The following BCAR3 variants were observed in gnomAD, a reference collection of about 807,000 sequenced individuals.
BCAR3 encodes breast cancer anti-estrogen resistance protein 3.
A neutral mutation model predicts 80.1 loss-of-function variants in BCAR3; 37 were observed. The observed-to-expected ratio is 0.46, with a 90% CI of 0.36 to 0.61. The LOEUF is 0.61. BCAR3 is among the 20% of genes least tolerant of loss of function. The probability of loss-of-function intolerance (pLI) is 0.00; values close to 1 mark genes in which losing one functional copy is unlikely to be tolerated. For synonymous variants in BCAR3, 389 were observed against 418.9 expected (o/e 0.93, Z 0.87); for missense variants, 978 against 1,068.2 (o/e 0.92, Z 1.18).
At chr1:93,670,681 T>C (rs758190674) in intron 2 of BCAR3, among the ~76,000 whole-genome samples, 5 of 152,182 alleles carry the variant, frequency 3.3e-5, no homozygotes, top group Non-Finnish European at 4.4e-5. Flanking sequence ...GTGATAACAA[T>C]GTTCATAATG....
intron 3 of BCAR3, among the ~76,000 whole-genome samples, chr1:93,687,176 T>C (rs1206257408): frequency 2.0e-5 from 3 of 152,218 alleles, no homozygotes; most frequent in Non-Finnish European, 2.9e-5. Flanking sequence ...TTATATTACA[T>C]CATAAATCTC....
rs1017713137 is a variant in BCAR3 at position 93,692,697 on chromosome 1, C to T, written c.-12+13395G>A. Among the ~76,000 whole-genome samples the T allele has an allele frequency of 3.3e-5, 5 of 152,334 alleles. 1 individual carries two copies. Among genetic ancestry groups the T allele is most frequent in the Admixed American group, 2.0e-4 (3 of 15,306 alleles). Reference sequence around the variant, plus strand: ...CCCTAAACTGGCCTCCCTGACTCCACTGCCCACTTCATCTCCCAGTGTGAA... The same window carrying T: ...CCCTAAACTGGCCTCCCTGACTCCATTGCCCACTTCATCTCCCAGTGTGAA... On this transcript the variant is annotated intron_variant, in intron 3 of 13. Coordinates refer to the BCAR3 transcript ENST00000370244.
chr1:93,611,495 T>C (rs940227244), intron 3 of BCAR3, among the ~76,000 whole-genome samples: 1 of 152,248 alleles, frequency 6.6e-6, no homozygotes. Context: ...CAGTAGTCTT[T>C]TATGTAACGG....
At chr1:93,657,074 C>T (rs1647426586) in intron 2 of BCAR3, among the ~76,000 whole-genome samples, 1 of 152,158 alleles carries the variant, frequency 6.6e-6, no homozygotes, top group South Asian at 2.1e-4. Flanking sequence ...GTGGGCACTG[C>T]CAACCCAGAC....
intron 2 of BCAR3, among the ~76,000 whole-genome samples, chr1:93,742,545 T>G (rs540749400): frequency 2.9e-4 from 44 of 152,358 alleles, no homozygotes; most frequent in Non-Finnish European, 5.1e-4. Flanking sequence ...TTCCATTTTC[T>G]CTAATTGGCT....
intron 1 of BCAR3, among the ~76,000 whole-genome samples, chr1:93,678,649 T>C (rs1018286426): frequency 3.3e-5 from 5 of 152,164 alleles, no homozygotes; most frequent in Non-Finnish European, 5.9e-5. Flanking sequence ...AACATCCAAG[T>C]TGTAAGCACG....
chr1:93,697,766 G>T (rs1557658319), intron 3 of BCAR3, among the ~76,000 whole-genome samples: 1 of 152,050 alleles, frequency 6.6e-6, no homozygotes, highest in Non-Finnish European at 1.5e-5. Flanking sequence ...ATCACCTGGG[G>T]TCAGGAGTTC....
intron 3 of BCAR3, among the ~76,000 whole-genome samples, chr1:93,600,249 G>T (rs557530147): frequency 6.6e-6 from 1 of 152,360 alleles, no homozygotes; most frequent in Admixed American, 6.5e-5. Flanking sequence ...ACCATTTCCT[G>T]TTGCCCCAGG....
chr1:93,567,936 C>G (rs1673026601), intron 9 of BCAR3, 85 bp from the exon 10 acceptor site: 2 of 1,139,558 alleles, frequency 1.8e-6, no homozygotes, highest in African/African-American at 1.5e-5. Context: ...CCTGTAATGC[C>G]AGCACTTTGG....
chr1:93,647,086 TTGTC>T (rs1676167859), intron 2 of BCAR3, among the ~76,000 whole-genome samples: 1 of 152,242 alleles, frequency 6.6e-6, no homozygotes, highest in African/African-American at 2.4e-5. Flanking sequence ...TAAAATATCT[TTGTC>T]TAACTCAAAC....
chr1:93,696,988 G>A (rs1312252725), intron 3 of BCAR3, among the ~76,000 whole-genome samples: 1 of 152,154 alleles, frequency 6.6e-6, no homozygotes, highest in African/African-American at 2.4e-5. Flanking sequence ...CAGTGACTGG[G>A]AGCTGGCGTC....
intron 2 of BCAR3, among the ~76,000 whole-genome samples, chr1:93,716,942 T>C (rs1457497533): frequency 6.6e-6 from 1 of 152,164 alleles, no homozygotes; most frequent in Non-Finnish European, 1.5e-5. Context: ...GCTCGGTAGA[T>C]ACAGACTGAG....
chr1:93,759,927 G>T (rs1402455902), intron 2 of BCAR3, among the ~76,000 whole-genome samples: 1 of 152,116 alleles, frequency 6.6e-6, no homozygotes, highest in East Asian at 1.9e-4. Flanking sequence ...ATGGAAATAT[G>T]GTCAATCAGA....
At chr1:93,700,343 C>A (rs1169541704) in intron 3 of BCAR3, among the ~76,000 whole-genome samples, 1 of 152,078 alleles carries the variant, frequency 6.6e-6, no homozygotes, top group Non-Finnish European at 1.5e-5. Flanking sequence ...CAGGGGCACA[C>A]CCCTACACCT....
At chr1:93,696,337 G>A (rs1057381569) in intron 3 of BCAR3, among the ~76,000 whole-genome samples, 12 of 152,136 alleles carry the variant, frequency 7.9e-5, no homozygotes, top group Non-Finnish European at 1.5e-4. Context: ...TCTCCATCCA[G>A]CTATTGCCCA....
chr1:93,806,848 C>T (rs546726375), intron 2 of BCAR3, among the ~76,000 whole-genome samples: 12 of 152,232 alleles, frequency 7.9e-5, no homozygotes, highest in South Asian at 2.1e-4. Flanking sequence ...CTGGGCATGG[C>T]GGCTCATACC....
rs551070794 is a variant in BCAR3 at position 93,592,680 on chromosome 1, C to T, written c.358-287G>A. 6.6e-6 allele frequency among the ~76,000 whole-genome samples: 1 copy of T among 152,316 alleles called. No individual in the cohort carries two copies. The highest frequency in any genetic ancestry group is 2.4e-5 in the African/African-American group (1 of 41,560). ...GGGCAGGAAGGGCCAGAGAGATGTA[C>T]AGACAGCAAGACACAGCAGCCCAGC... is the stretch of plus-strand genomic sequence containing the variant. On this transcript the variant is annotated intron_variant, in intron 3 of 11. Coordinates refer to ENST00000260502, the MANE Select transcript of BCAR3 (RefSeq NM_003567.4). This position sits in a 1 kb window ranked among gnomAD's most constrained non-coding sequence, Gnocchi z 4.8.
intron 1 of BCAR3, among the ~76,000 whole-genome samples, chr1:93,676,438 T>C (rs1648492645): frequency 6.6e-6 from 1 of 152,114 alleles, no homozygotes; most frequent in African/African-American, 2.4e-5. Flanking sequence ...TTACTGAAGG[T>C]GTACAATCTT....
At chr1:93,709,676 A>T (rs778696297) in intron 2 of BCAR3, among the ~76,000 whole-genome samples, 2 of 152,230 alleles carry the variant, frequency 1.3e-5, no homozygotes, top group Non-Finnish European at 2.9e-5. Flanking sequence ...CTCCTAGACT[A>T]GAGATGGGAA....
Sources: gnomAD v4.1 joint callset for allele counts (sites outside exome capture counted in the v4.1 genomes callset) on GRCh38, gnomAD v4.1.1 for gene constraint, Gnocchi (gnomAD v3.1) non-coding constraint, MANE v1.5 for transcripts, NCBI Gene and HGNC (gene_info 2026-07-23, HGNC 2026-07-21) for gene names.